RBFOX1: variants seen among roughly 807,000 people sequenced by gnomAD.
RBFOX1 encodes RNA binding fox-1 homolog 1, also known as RNA binding protein fox-1 homolog 1.
Under a neutral mutation model 57.7 loss-of-function variants are expected in RBFOX1, and 8 were observed. The observed-to-expected ratio is 0.14, with a 90% CI of 0.08 to 0.25. The LOEUF is 0.25. RBFOX1 is among the 10% of genes least tolerant of loss of function. The pLI, the probability that RBFOX1 is intolerant of heterozygous loss-of-function variation, is 1.00. For missense variants in RBFOX1, 611 were observed against 548.5 expected, an observed-to-expected ratio of 1.11 and a Z score of -1.14; for synonymous variants, 326 against 222.4, an observed-to-expected ratio of 1.47 and a Z score of -4.15.
intron 1 of RBFOX1, among the ~76,000 whole-genome samples, chr16:6,206,274 C>A (rs1034847135): frequency 2.0e-5 from 3 of 152,014 alleles, no homozygotes; most frequent in African/African-American, 7.2e-5. Flanking sequence ...TGTGCTGTTC[C>A]TGTTACCTGG....
intron 4 of RBFOX1, among the ~76,000 whole-genome samples, chr16:7,178,839 A>C (rs182681885): frequency 6.6e-6 from 1 of 152,274 alleles, no homozygotes; most frequent in East Asian, 1.9e-4. Context: ...AGTTATGTAT[A>C]AGGAACATAC....
chr16:7,195,984 A>G (rs2086602983), intron 4 of RBFOX1, among the ~76,000 whole-genome samples: 2 of 152,082 alleles, frequency 1.3e-5, no homozygotes, highest in Admixed American at 6.5e-5. Flanking sequence ...GGCAAGATCT[A>G]AGGAGTTTCT....
At chr16:5,718,085 C>T (rs752915315) in intron 3 of RBFOX1, among the ~76,000 whole-genome samples, 7 of 152,168 alleles carry the variant, frequency 4.6e-5, no homozygotes, top group Non-Finnish European at 8.8e-5. Context: ...AGGGTGTCAT[C>T]GAATACGATG....
intron 4 of RBFOX1, among the ~76,000 whole-genome samples, chr16:7,364,756 G>C (rs566398382): frequency 6.6e-6 from 1 of 152,158 alleles, no homozygotes; most frequent in East Asian, 1.9e-4. Context: ...CTTGCTAGTT[G>C]TGTTCTCTCT....
At chr16:6,433,847 T>C (rs970380086) in intron 2 of RBFOX1, among the ~76,000 whole-genome samples, 3 of 52,138 alleles carry the variant, frequency 5.8e-5, no homozygotes, top group African/African-American at 2.1e-4. Context: ...TTCATTTTTC[T>C]TTTTTTTTTT....
chr16:5,287,933 C>T (rs1392862670), intron 1 of RBFOX1, among the ~76,000 whole-genome samples: 1 of 152,150 alleles, frequency 6.6e-6, no homozygotes, highest in Non-Finnish European at 1.5e-5. Flanking sequence ...ACCCTCTAAC[C>T]ATCAATGCAA....
At chr16:7,506,590 C>G (rs1278444626) in intron 4 of RBFOX1, among the ~76,000 whole-genome samples, 1 of 151,614 alleles carries the variant, frequency 6.6e-6, no homozygotes, top group African/African-American at 2.4e-5. Flanking sequence ...TCATCATCAT[C>G]ATCATCATCA....
At chr16:5,538,319 C>T (rs1218873590) in intron 2 of RBFOX1, among the ~76,000 whole-genome samples, 1 of 152,180 alleles carries the variant, frequency 6.6e-6, no homozygotes, top group Non-Finnish European at 1.5e-5. Flanking sequence ...ATGAAAATAG[C>T]ATCCACCAAA....
chr16:7,682,061 G>A (rs12149686), intron 14 of RBFOX1, among the ~76,000 whole-genome samples: 29,607 of 152,056 alleles, frequency 0.19, 3,056 homozygotes, highest in South Asian at 0.35. Flanking sequence ...ATGTAATATG[G>A]TTGTCAACCC....
chr16:7,199,902 CAAA>C (rs1567677606), intron 4 of RBFOX1, among the ~76,000 whole-genome samples: 1 of 147,126 alleles, frequency 6.8e-6, no homozygotes, highest in Non-Finnish European at 1.5e-5. Context: ...CTCAAAAAAA[CAAA>C]ACAAAACAAC....
In RBFOX1 at chr16:5,947,998, G is replaced by A. The variant is rs1225239020; in HGVS notation, c.351+80663G>A. On this transcript the variant is annotated intron_variant, in intron 4 of 19. Transcript: ENST00000641259. The surrounding 1 kb of genome is among the most constrained non-coding windows in gnomAD (Gnocchi z 7.2). ...TTTGACCGTGGCGCTGAGGACATAT[G>A]TTCATACATTTTCATGGCAGGAACT... is the stretch of plus-strand genomic sequence containing the variant. Among the ~76,000 whole-genome samples the A allele has an allele frequency of 6.6e-6, 1 of 152,200 alleles. No homozygotes were observed. The highest frequency in any genetic ancestry group is 1.5e-5 in the Non-Finnish European group (1 of 68,042).
rs1420957697 is a variant in RBFOX1 at position 7,126,024 on chromosome 16, A to G, written c.27+73926A>G. On this transcript the variant is annotated intron_variant, in intron 4 of 15. Transcript: ENST00000550418. ...CTTGAACCTGGGAGGCGGAGGTTGCAGTGAGCTGAGATCGCACCATTGCAC... is the reference window on the plus strand; with the variant it reads ...CTTGAACCTGGGAGGCGGAGGTTGCGGTGAGCTGAGATCGCACCATTGCAC... 6.6e-5 allele frequency among the ~76,000 whole-genome samples: 10 copies of G among 152,304 alleles called. 1 individual carries two copies. In the South Asian group the frequency reaches 2.1e-3, roughly 32 times the overall value.
rs118073772 is a variant in RBFOX1 at position 7,141,809 on chromosome 16, G to A, written c.27+89711G>A. Among the ~76,000 whole-genome samples, 998 of 152,042 alleles carry A rather than the reference G, an allele frequency of 6.6e-3. 32 individuals carry two copies. The highest frequency in any genetic ancestry group is 0.047 in the Admixed American group (723 of 15,272). On this transcript the variant is annotated intron_variant, in intron 4 of 15. Transcript: ENST00000550418. The stretch of plus-strand genomic sequence containing the variant: ...CCTGGTCACGGTCCATCATATTGAC[G>A]ACCGCACCAGCCTTCTGACTGGACA...
intron 4 of RBFOX1, among the ~76,000 whole-genome samples, chr16:7,426,720 A>G (rs988876213): frequency 2.0e-5 from 3 of 152,148 alleles, no homozygotes; most frequent in African/African-American, 7.2e-5. Flanking sequence ...AGGTCCTGAG[A>G]ATACCAACAG....
chr16:5,727,838 C>A (rs545564665), intron 3 of RBFOX1, among the ~76,000 whole-genome samples: 4 of 152,132 alleles, frequency 2.6e-5, no homozygotes, highest in African/African-American at 9.7e-5. Context: ...CAGGTGTGCG[C>A]CACCATGCCC....
At chr16:6,676,958 G>A (rs979460988) in intron 3 of RBFOX1, among the ~76,000 whole-genome samples, 1 of 152,000 alleles carries the variant, frequency 6.6e-6, no homozygotes. Context: ...TTACAGGCAT[G>A]AGCCACCATG....
intron 2 of RBFOX1, among the ~76,000 whole-genome samples, chr16:6,371,926 C>G (rs994020986): frequency 2.0e-5 from 3 of 152,154 alleles, no homozygotes; most frequent in African/African-American, 4.8e-5. Flanking sequence ...CTGTGAGACC[C>G]TTCAGAAGAG....
intron 2 of RBFOX1, among the ~76,000 whole-genome samples, chr16:6,568,159 C>G (rs1600123015): frequency 6.6e-6 from 1 of 152,148 alleles, no homozygotes; most frequent in African/African-American, 2.4e-5. Context: ...GTTAGCCTCT[C>G]AAAACAACAA....
intron 3 of RBFOX1, among the ~76,000 whole-genome samples, chr16:7,009,398 C>A (rs112610161): frequency 6.6e-6 from 1 of 151,578 alleles, no homozygotes; most frequent in Non-Finnish European, 1.5e-5. Context: ...AAAAATGTCT[C>A]GCCACTGTGA....
Sources: allele counts gnomAD v4.1 joint callset (sites outside exome capture counted in the v4.1 genomes callset), GRCh38; gene constraint gnomAD v4.1.1; non-coding constraint Gnocchi (gnomAD v3.1); transcripts MANE v1.5; gene names NCBI Gene and HGNC (gene_info 2026-07-23, HGNC 2026-07-21).